XPOT: variants seen among roughly 807,000 people sequenced by gnomAD.
XPOT encodes the protein exportin for tRNA.
XPOT carries 34 observed loss-of-function variants against 128.2 expected under a neutral mutation model. The observed-to-expected ratio is 0.27, with a 90% CI of 0.20 to 0.35. The LOEUF (loss-of-function observed/expected upper bound fraction) is 0.35, where lower values mean the gene tolerates loss of function less well. XPOT is among the 10% of genes least tolerant of loss of function. The pLI, the probability that XPOT is intolerant of heterozygous loss-of-function variation, is 1.00. For synonymous variants in XPOT, 348 were observed against 394.3 expected (o/e 0.88, Z 1.39); for missense variants, 838 against 1,125.3 (o/e 0.74, Z 3.65).
chr12:64,444,192 C>T (rs572225030), intron 23 of XPOT, among the ~76,000 whole-genome samples: 7 of 151,796 alleles, frequency 4.6e-5, no homozygotes, highest in Non-Finnish European at 8.8e-5. Flanking sequence ...TTTGGTTATC[C>T]CTCTTACTAG....
intron 14 of XPOT, 73 bp from the exon 15 acceptor site, chr12:64,425,741 CA>C: frequency 2.7e-6 from 4 of 1,470,566 alleles, no homozygotes; most frequent in Non-Finnish European, 2.8e-6. Context: ...TTGGTGTGAA[CA>C]AAAATGTAGC....
intron 23 of XPOT, among the ~76,000 whole-genome samples, chr12:64,441,118 A>G (rs760196676): frequency 6.6e-6 from 1 of 152,172 alleles, no homozygotes; most frequent in Non-Finnish European, 1.5e-5. Context: ...TGTGTAAGAT[A>G]AGGGTCTCGT....
rs1332764005 is a variant in XPOT, at chr12:64,450,532, G to A, written c.*2401G>A. 2.0e-5 allele frequency: 3 copies of A among 152,140 alleles called. No homozygotes were observed. The highest frequency in any genetic ancestry group is 4.4e-5 in the Non-Finnish European group (3 of 68,010). The allele number at this position is 152,140 out of a possible 1,614,324, so 9.4% of individuals were successfully genotyped here. A position where few individuals can be genotyped will look rare whatever the true frequency, so the allele number is the denominator to read the frequency against. ...TGCAGAAGATTTACATGTGTTTATA[G>A]AGCTAAGAGAAATCAGGGCATGGAA... is the stretch of plus-strand genomic sequence containing the variant. On this transcript the variant is annotated 3_prime_UTR_variant, in exon 25 of 25. Transcript: ENST00000332707.
intron 23 of XPOT, among the ~76,000 whole-genome samples, chr12:64,443,517 C>G (rs1435180505): frequency 6.6e-6 from 1 of 152,044 alleles, no homozygotes; most frequent in Non-Finnish European, 1.5e-5. Flanking sequence ...TGCAGTGGTG[C>G]GATCTTGGCT....
At chr12:64,428,183 C>T in intron 16 of XPOT, 63 bp downstream of exon 16, 1 of 1,166,968 alleles carries the variant, frequency 8.6e-7, no homozygotes, top group Non-Finnish European at 1.2e-6. Flanking sequence ...GTGCCATTAG[C>T]CTTGCCTTTG....
intron 8 of XPOT, 84 bp from the exon 9 acceptor site, chr12:64,421,151 G>T: frequency 1.0e-6 from 1 of 962,078 alleles, no homozygotes; most frequent in Non-Finnish European, 1.6e-6. Context: ...CCTGTAATTA[G>T]CACTTGATTC....
At chr12:64,428,341 G>A (rs1014384170) in intron 16 of XPOT, among the ~76,000 whole-genome samples, 1 of 152,192 alleles carries the variant, frequency 6.6e-6, no homozygotes, top group Middle Eastern at 3.4e-3. Flanking sequence ...GGGGTATATT[G>A]TTAAAATGTT....
chr12:64,434,846 C>T lies in XPOT; in HGVS notation c.2622C>T (p.Val874=). Residue 874 remains valine, a synonymous_variant, in exon 21 of 25, where the codon GTC becomes GTT. Transcript: ENST00000332707. ...GFADFVYKHI[V]PACFLAPLKQ... is the part of the protein sequence containing the mutation. ...CTGATTTTGTTTATAAGCACATTGT[C>T]CCCGCATGTTTCCTAGCACCTTTAA... The T allele has an allele frequency of 6.2e-7, 1 of 1,612,158 alleles. No homozygotes were observed. The highest frequency in any genetic ancestry group is 2.2e-5 in the East Asian group (1 of 44,858).
Position 64,439,386 on chromosome 12 carries a change from G to A in XPOT, c.2805+71G>A, listed in dbSNP as rs561954792. The A allele has an allele frequency of 1.4e-4, 187 of 1,371,202 alleles. No individual in the cohort carries two copies. In the African/African-American group the frequency reaches 1.9e-3, roughly 14 times the overall value. 84.9% of individuals were successfully genotyped at this position (1,371,202 alleles called of 1,614,324 possible). A position where few individuals can be genotyped will look rare whatever the true frequency, so the allele number is the denominator to read the frequency against. ...TAGCAGCATTGCCTGTGACATTGTC[G>A]CTAGCAGAAATCAAAAATATTTTCA... On this transcript the variant is annotated intron_variant, in intron 23 of 24. Transcript: ENST00000332707.
At chr12:64,418,506 A>G (rs948133588) in intron 5 of XPOT, among the ~76,000 whole-genome samples, 3 of 152,320 alleles carry the variant, frequency 2.0e-5, no homozygotes, top group African/African-American at 4.8e-5. Context: ...CACATAAAGC[A>G]GTTGTGTAGC....
intron 9 of XPOT, 38 bp from the exon 10 acceptor site, chr12:64,422,967 T>A: frequency 2.5e-6 from 4 of 1,601,766 alleles, no homozygotes; most frequent in Non-Finnish European, 3.4e-6. Flanking sequence ...AGGTATAACT[T>A]TAGAAAACCT....
chr12:64,428,334 G>A (rs1312283766), intron 16 of XPOT, among the ~76,000 whole-genome samples: 1 of 152,010 alleles, frequency 6.6e-6, no homozygotes, highest in African/African-American at 2.4e-5. Context: ...GCAGCATGGG[G>A]TATATTGTTA....
intron 3 of XPOT, among the ~76,000 whole-genome samples, chr12:64,416,145 C>T (rs1241421082): frequency 2.0e-5 from 3 of 152,128 alleles, no homozygotes; most frequent in Non-Finnish European, 4.4e-5. Flanking sequence ...TGACTTTTGC[C>T]CCCATCTTGT....
intron 24 of XPOT, 79 bp from the exon 25 acceptor site, chr12:64,448,026 C>G: frequency 1.6e-6 from 2 of 1,282,436 alleles, no homozygotes; most frequent in South Asian, 1.2e-5. Flanking sequence ...TGCTAGCACT[C>G]AGATACTTGG....
intron 4 of XPOT, among the ~76,000 whole-genome samples, chr12:64,417,552 A>G (rs888253995): frequency 2.0e-5 from 3 of 152,162 alleles, no homozygotes; most frequent in Non-Finnish European, 2.9e-5. Context: ...AAAAATGAAA[A>G]TCCAGATATT....
chr12:64,407,599 A>G (rs1190036497), intron 1 of XPOT, among the ~76,000 whole-genome samples: 1 of 152,206 alleles, frequency 6.6e-6, no homozygotes, highest in Admixed American at 6.5e-5. Context: ...TAGAGGTCAA[A>G]GAAGTGTTCT....
At chr12:64,415,207 T>G (rs1299908992) in intron 3 of XPOT, among the ~76,000 whole-genome samples, 1 of 151,914 alleles carries the variant, frequency 6.6e-6, no homozygotes, top group Non-Finnish European at 1.5e-5. Flanking sequence ...AAACCATCCT[T>G]TGGTATATAT....
At chr12:64,435,735 C>T in intron 22 of XPOT, 61 bp downstream of exon 22, 3 of 1,486,942 alleles carry the variant, frequency 2.0e-6, no homozygotes, top group Non-Finnish European at 2.7e-6. Flanking sequence ...TTATCTTGTT[C>T]TTGAAAGATG....
chr12:64,428,020 T>C (rs751987908), intron 15 of XPOT, 31 bp from the exon 16 acceptor site: 4 of 1,422,332 alleles, frequency 2.8e-6, no homozygotes, highest in African/African-American at 2.8e-5. Flanking sequence ...AGCACTGTTA[T>C]TAATTGTGAT....
Sources: allele counts gnomAD v4.1 joint callset (sites outside exome capture counted in the v4.1 genomes callset), GRCh38; gene constraint gnomAD v4.1.1; transcripts MANE v1.5; gene names NCBI Gene and HGNC (gene_info 2026-07-23, HGNC 2026-07-21).